AIG1: variants seen among roughly 807,000 people sequenced by gnomAD.
AIG1 encodes androgen induced 1, also known as androgen-induced gene 1 protein.
Under a neutral mutation model 31.4 loss-of-function variants are expected in AIG1, and 23 were observed. That is an observed-to-expected ratio of 0.73 (90% CI 0.53 to 1.04). The LOEUF (loss-of-function observed/expected upper bound fraction) is 1.04, where lower values mean the gene tolerates loss of function less well. AIG1 is among the 50% of genes least tolerant of loss of function. The probability of loss-of-function intolerance (pLI) is 0.00; values close to 1 mark genes in which losing one functional copy is unlikely to be tolerated. For synonymous variants in AIG1, 100 were observed against 110.5 expected (o/e 0.90, Z 0.60); for missense variants, 274 against 295.0 (o/e 0.93, Z 0.52).
chr6:143,291,779 C>T lies in AIG1; in HGVS notation c.515+7554C>T, dbSNP rs1377784742. Among the ~76,000 whole-genome samples, 1 of 152,100 alleles carries T rather than the reference C, an allele frequency of 6.6e-6. No homozygotes were observed. Among genetic ancestry groups the T allele is most frequent in the Non-Finnish European group, 1.5e-5 (1 of 68,028 alleles). ...AGCAGAAGGCCACTGTGTGTTGAAGCAGAGTGAGGGAGAGTGCACAGAGCT... is the reference window on the plus strand; with the variant it reads ...AGCAGAAGGCCACTGTGTGTTGAAGTAGAGTGAGGGAGAGTGCACAGAGCT... On this transcript the variant is annotated intron_variant, in intron 4 of 5. Transcript: ENST00000357847. This position sits in a 1 kb window ranked among gnomAD's most constrained non-coding sequence, Gnocchi z 4.2.
intron 3 of AIG1, chr6:143,189,388 C>T (rs1354873846): frequency 1.0e-6 from 1 of 978,876 alleles, no homozygotes; most frequent in Non-Finnish European, 1.2e-6. Context: ...AGCCCCTGCT[C>T]ACATTTTATA....
At chr6:143,158,390 G>C (rs1786007464) in intron 2 of AIG1, among the ~76,000 whole-genome samples, 1 of 152,152 alleles carries the variant, frequency 6.6e-6, no homozygotes, top group Admixed American at 6.6e-5. Flanking sequence ...AGACCTCTCT[G>C]TTCTGCTCAC....
At chr6:143,236,899 C>T (rs544046633) in intron 3 of AIG1, among the ~76,000 whole-genome samples, 1 of 152,270 alleles carries the variant, frequency 6.6e-6, no homozygotes, top group Admixed American at 6.5e-5. Context: ...TTTTTCTACA[C>T]ACCAGGCACT....
intron 1 of AIG1, among the ~76,000 whole-genome samples, chr6:143,114,723 T>G (rs1781593187): frequency 6.6e-6 from 1 of 152,210 alleles, no homozygotes; most frequent in African/African-American, 2.4e-5. Context: ...ACCATTATAG[T>G]ATCATGATTG....
At chr6:143,220,991 ATTGTTG>A (rs200697142) in intron 3 of AIG1, among the ~76,000 whole-genome samples, 9 of 151,810 alleles carry the variant, frequency 5.9e-5, no homozygotes, top group South Asian at 4.2e-4. Flanking sequence ...ACTAGTTTTT[ATTGTTG>A]TTGTTGTTGT....
intron 3 of AIG1, among the ~76,000 whole-genome samples, chr6:143,178,811 G>A (rs952228874): frequency 6.6e-6 from 1 of 152,226 alleles, no homozygotes; most frequent in African/African-American, 2.4e-5. Context: ...AGGCCTGGCT[G>A]CCTGTGCTAT....
At chr6:143,114,404 T>C (rs1046382025) in intron 1 of AIG1, among the ~76,000 whole-genome samples, 14 of 152,238 alleles carry the variant, frequency 9.2e-5, no homozygotes, top group African/African-American at 3.4e-4. Flanking sequence ...TTTAGTTACA[T>C]GTTTTCAAGA....
intron 3 of AIG1, chr6:143,189,663 C>T: frequency 1.0e-6 from 1 of 985,308 alleles, no homozygotes; most frequent in Non-Finnish European, 1.2e-6. Flanking sequence ...CTTTAAATTG[C>T]AGTATCATCC....
chr6:143,129,015 G>A (rs1281448951), intron 1 of AIG1, among the ~76,000 whole-genome samples: 1 of 152,142 alleles, frequency 6.6e-6, no homozygotes, highest in Non-Finnish European at 1.5e-5. Flanking sequence ...AAAATGGCTG[G>A]GCGCGGTGGC....
In AIG1 at chr6:143,128,323, A is replaced by G. The variant is rs180677272; in HGVS notation, c.142-8512A>G. On this transcript the variant is annotated intron_variant, in intron 1 of 5. Coordinates refer to ENST00000357847, the MANE Select transcript of AIG1 (RefSeq NM_016108.4). ...ACAGGGAGAGTTGGGGAGGTGTAGA[A>G]AAAAGATGGAGAAGGAATTAAACAG... Among the ~76,000 whole-genome samples, 7 of 152,310 alleles carry G rather than the reference A, an allele frequency of 4.6e-5. No homozygotes were observed. In the East Asian group the frequency reaches 1.4e-3, roughly 29 times the overall value.
intron 3 of AIG1, among the ~76,000 whole-genome samples, chr6:143,249,482 G>T (rs1405028843): frequency 6.6e-6 from 1 of 152,136 alleles, no homozygotes; most frequent in Non-Finnish European, 1.5e-5. Context: ...GGTGAACATT[G>T]TTCATTGTCG....
At chr6:143,302,699 C>T (rs558240696) in intron 4 of AIG1, among the ~76,000 whole-genome samples, 18 of 152,270 alleles carry the variant, frequency 1.2e-4, no homozygotes, top group Non-Finnish European at 2.4e-4. Context: ...GTGCATGTGT[C>T]TTTATAGCAG....
chr6:143,151,970 C>T (rs1785276661), intron 2 of AIG1, among the ~76,000 whole-genome samples: 1 of 152,230 alleles, frequency 6.6e-6, no homozygotes, highest in African/African-American at 2.4e-5. Context: ...GTCTACAAAG[C>T]TGGTGATGCA....
chr6:143,270,798 T>G (rs990475812), intron 3 of AIG1, among the ~76,000 whole-genome samples: 2 of 152,176 alleles, frequency 1.3e-5, no homozygotes, highest in Non-Finnish European at 2.9e-5. Flanking sequence ...TTAATATGTG[T>G]GTGTGCACAT....
chr6:143,249,608 T>C (rs1489313058), intron 3 of AIG1, among the ~76,000 whole-genome samples: 1 of 152,180 alleles, frequency 6.6e-6, no homozygotes, highest in Non-Finnish European at 1.5e-5. Flanking sequence ...TCCTTTTTCT[T>C]CCAGAATGGA....
intron 1 of AIG1, among the ~76,000 whole-genome samples, chr6:143,121,510 A>G (rs879695491): frequency 2.0e-5 from 3 of 151,866 alleles, no homozygotes; most frequent in African/African-American, 7.3e-5. Context: ...CCTTCCATCT[A>G]TCCTTTCTTG....
intron 3 of AIG1, among the ~76,000 whole-genome samples, chr6:143,212,039 G>A (rs1416578682): frequency 1.3e-5 from 2 of 152,040 alleles, no homozygotes; most frequent in East Asian, 3.8e-4. Context: ...TTCTTGTTGG[G>A]TGGGGCCTGG....
chr6:143,184,149 C>T (rs1789004765), intron 3 of AIG1, among the ~76,000 whole-genome samples: 1 of 152,210 alleles, frequency 6.6e-6, no homozygotes, highest in Non-Finnish European at 1.5e-5. Context: ...TTACCTTTCA[C>T]CCTCTGATTA....
chr6:143,260,676 A>G (rs1795711694), intron 3 of AIG1, among the ~76,000 whole-genome samples: 2 of 152,222 alleles, frequency 1.3e-5, no homozygotes, highest in South Asian at 4.1e-4. Context: ...GGTTTACTTC[A>G]GCACCACACC....
Sources: gnomAD v4.1 joint callset for allele counts (sites outside exome capture counted in the v4.1 genomes callset) on GRCh38, gnomAD v4.1.1 for gene constraint, Gnocchi (gnomAD v3.1) non-coding constraint, MANE v1.5 for transcripts, NCBI Gene and HGNC (gene_info 2026-07-23, HGNC 2026-07-21) for gene names.